The following SGCZ variants were observed in gnomAD, a reference collection of about 807,000 sequenced individuals.
The protein encoded by SGCZ is sarcoglycan zeta, also known as zeta-sarcoglycan.
In SGCZ, 40 loss-of-function variants were observed where a neutral mutation model predicts 41.3. That is an observed-to-expected ratio of 0.97 (90% CI 0.75 to 1.26). The LOEUF (loss-of-function observed/expected upper bound fraction) is 1.26. Ranked by LOEUF, SGCZ falls within the 50% of genes most tolerant of loss-of-function variation. The pLI is 0.00. For missense variants in SGCZ, 552 were observed against 369.8 expected (o/e 1.49, Z -4.04); for synonymous variants, 206 against 137.5 (o/e 1.50, Z -3.49).
chr8:15,099,562 C>G (rs1327514124), intron 1 of SGCZ, among the ~76,000 whole-genome samples: 1 of 152,124 alleles, frequency 6.6e-6, no homozygotes, highest in African/African-American at 2.4e-5. Flanking sequence ...TCACTACCGG[C>G]TCTGCAAAAA....
At chr8:14,444,255 G>A (rs1472478149) in intron 2 of SGCZ, among the ~76,000 whole-genome samples, 2 of 152,134 alleles carry the variant, frequency 1.3e-5, no homozygotes, top group Non-Finnish European at 2.9e-5. Context: ...TCAGTGTGGC[G>A]ATTCCTCAGG....
chr8:15,067,119 C>T (rs1248474276), intron 1 of SGCZ, among the ~76,000 whole-genome samples: 1 of 152,082 alleles, frequency 6.6e-6, no homozygotes, highest in Non-Finnish European at 1.5e-5. Flanking sequence ...AATTTTTTAA[C>T]TGAAATTATA....
At chr8:15,233,260 A>G (rs1355735075) in intron 1 of SGCZ, among the ~76,000 whole-genome samples, 2 of 151,318 alleles carry the variant, frequency 1.3e-5, no homozygotes, top group Non-Finnish European at 3.0e-5. Flanking sequence ...ACTTAGATTC[A>G]TCAGAAAGCT....
In SGCZ at chr8:14,355,213, T is replaced by C. The variant is rs1220388380; in HGVS notation, c.235-31009A>G. On this transcript the variant is annotated intron_variant, in intron 2 of 7. Coordinates refer to ENST00000382080, the MANE Select transcript of SGCZ (RefSeq NM_139167.4). ...CCACAAGCAGATGTTTCATTATAACTATGTCAGGAATGCAACATAATTTAT... is the reference window on the plus strand; with the variant it reads ...CCACAAGCAGATGTTTCATTATAACCATGTCAGGAATGCAACATAATTTAT... 2.6e-5 allele frequency among the ~76,000 whole-genome samples: 4 copies of C among 152,098 alleles called. No individual in the cohort carries two copies. The East Asian group carries it at 7.7e-4, about 29-fold the overall frequency.
intron 1 of SGCZ, among the ~76,000 whole-genome samples, chr8:14,952,174 G>A (rs557225812): frequency 6.6e-6 from 1 of 152,046 alleles, no homozygotes; most frequent in South Asian, 2.1e-4. Context: ...ATAAATCCGA[G>A]TTACTCCTAA....
chr8:14,099,497 C>G (rs562078176), intron 7 of SGCZ, among the ~76,000 whole-genome samples: 41 of 152,132 alleles, frequency 2.7e-4, no homozygotes, highest in Non-Finnish European at 4.6e-4. Flanking sequence ...GAGGCTGAGG[C>G]GGGAGGATCA....
intron 2 of SGCZ, among the ~76,000 whole-genome samples, chr8:14,422,690 C>G (rs1563319101): frequency 1.3e-5 from 2 of 152,274 alleles, no homozygotes; most frequent in East Asian, 3.9e-4. Flanking sequence ...TGTAGATGAG[C>G]TAGCATAGTT....
At chr8:15,117,642 G>A (rs1220060907) in intron 1 of SGCZ, among the ~76,000 whole-genome samples, 2 of 152,100 alleles carry the variant, frequency 1.3e-5, no homozygotes, top group African/African-American at 2.4e-5. Flanking sequence ...GAGGATCTTG[G>A]AAGATATTTG....
Position 14,085,979 on chromosome 8 carries a change from T to G in SGCZ, c.*4464A>C. 6.6e-6 allele frequency among the ~76,000 whole-genome samples: 1 copy of G among 151,878 alleles called. No individual in the cohort carries two copies. On this transcript the variant is annotated 3_prime_UTR_variant, in exon 8 of 8. Transcript: ENST00000382080. ...CAGTATAAAACAACATGAATAACAG[T>G]GTTCAATTAAATTATTGATTAGTTT... is the stretch of plus-strand genomic sequence containing the variant.
At chr8:15,030,440 T>C (rs1803619328) in intron 1 of SGCZ, among the ~76,000 whole-genome samples, 1 of 152,184 alleles carries the variant, frequency 6.6e-6, no homozygotes, top group South Asian at 2.1e-4. Flanking sequence ...AAATATTTCA[T>C]ATTTTCAGGG....
At chr8:14,792,538 G>T (rs976367661) in intron 1 of SGCZ, among the ~76,000 whole-genome samples, 3 of 151,860 alleles carry the variant, frequency 2.0e-5, no homozygotes, top group African/African-American at 7.3e-5. Flanking sequence ...ATTTTACTTG[G>T]CATTTTAGCA....
intron 2 of SGCZ, among the ~76,000 whole-genome samples, chr8:14,443,015 A>G (rs1159856554): frequency 2.6e-5 from 4 of 152,164 alleles, no homozygotes; most frequent in African/African-American, 9.7e-5. Flanking sequence ...ATAAACCAAT[A>G]ACAGCCAAAC....
intron 5 of SGCZ, among the ~76,000 whole-genome samples, chr8:14,120,918 G>A (rs565999630): frequency 5.9e-5 from 9 of 152,136 alleles, no homozygotes; most frequent in African/African-American, 1.9e-4. Flanking sequence ...TCATGGAACT[G>A]GACAAGCTGA....
chr8:14,969,138 G>C (rs953742728), intron 1 of SGCZ, among the ~76,000 whole-genome samples: 14 of 152,040 alleles, frequency 9.2e-5, no homozygotes, highest in Admixed American at 6.6e-5. Flanking sequence ...GAGATTGCCT[G>C]TCCTCTTTCA....
intron 2 of SGCZ, among the ~76,000 whole-genome samples, chr8:14,537,292 G>T (rs936657944): frequency 6.6e-6 from 1 of 151,756 alleles, no homozygotes; most frequent in Non-Finnish European, 1.5e-5. Flanking sequence ...GACCAGGGTG[G>T]GGGGTCGTCT....
intron 1 of SGCZ, among the ~76,000 whole-genome samples, chr8:14,723,928 T>C (rs941901633): frequency 2.0e-5 from 3 of 152,070 alleles, no homozygotes; most frequent in East Asian, 1.9e-4. Flanking sequence ...ACACAGGTCA[T>C]TGAAGCATAA....
chr8:14,893,797 T>C (rs1255787768), intron 1 of SGCZ, among the ~76,000 whole-genome samples: 1 of 152,178 alleles, frequency 6.6e-6, no homozygotes, highest in Admixed American at 6.5e-5. Context: ...CCCATTTTTG[T>C]TAGTATAAAA....
chr8:14,378,813 T>C (rs1389850943), intron 2 of SGCZ, among the ~76,000 whole-genome samples: 4 of 152,070 alleles, frequency 2.6e-5, no homozygotes, highest in African/African-American at 4.8e-5. Context: ...CCAGAATTGG[T>C]TGATGTGGGA....
chr8:14,595,725 GA>G (rs974234660), intron 1 of SGCZ, among the ~76,000 whole-genome samples: 2 of 151,960 alleles, frequency 1.3e-5, no homozygotes, highest in Non-Finnish European at 2.9e-5. Flanking sequence ...TGCCTTCAGG[GA>G]AAAAAATAAA....
Sources: gnomAD v4.1 joint callset for allele counts (sites outside exome capture counted in the v4.1 genomes callset) on GRCh38, gnomAD v4.1.1 for gene constraint, MANE v1.5 for transcripts, NCBI Gene and HGNC (gene_info 2026-07-23, HGNC 2026-07-21) for gene names.